IGSF3: variants seen among roughly 807,000 people sequenced by gnomAD.
IGSF3 encodes immunoglobulin superfamily member 3.
Under a neutral mutation model 114.4 loss-of-function variants are expected in IGSF3, and 23 were observed. The ratio of observed to expected loss-of-function variants is 0.20; its 90% CI spans 0.14 to 0.28. The LOEUF (loss-of-function observed/expected upper bound fraction) is 0.28. Ranked by LOEUF, IGSF3 falls within the 10% of genes least tolerant of loss-of-function variation. IGSF3 has a pLI of 1.00. For synonymous variants in IGSF3, 571 were observed against 645.2 expected, an observed-to-expected ratio of 0.88 and a Z score of 1.74; for missense variants, 1,172 against 1,591.5, an observed-to-expected ratio of 0.74 and a Z score of 4.48.
rs1660847098 is a variant in IGSF3, at chr1:116,607,834, G to A, written c.1222+108C>T. The A allele has an allele frequency of 2.7e-6, 3 of 1,102,916 alleles. No homozygotes were observed. Among genetic ancestry groups the A allele is most frequent in the African/African-American group, 3.1e-5 (2 of 64,322 alleles). 68.3% of individuals were successfully genotyped at this position (1,102,916 alleles called of 1,614,324 possible). ...TCCCCCAGCTCTGCATTAACCTCGA[G>A]GGTTCCATCTGCCTCCCCTCACCTT... On this transcript the variant is annotated intron_variant, in intron 5 of 10. Coordinates refer to ENST00000369486, the MANE Select transcript of IGSF3 (RefSeq NM_001007237.3). This position sits in a 1 kb window ranked among gnomAD's most constrained non-coding sequence, Gnocchi z 6.1.
chr1:116,657,697 G>C lies in IGSF3; in HGVS notation c.43+8587C>G, dbSNP rs554812393. 6.6e-6 allele frequency among the ~76,000 whole-genome samples: 1 copy of C among 152,294 alleles called. No individual in the cohort carries two copies. The highest frequency in any genetic ancestry group is 1.9e-4 in the East Asian group (1 of 5,178). On this transcript the variant is annotated intron_variant, in intron 2 of 10. Transcript: ENST00000369486. The surrounding 1 kb of genome is among the most constrained non-coding windows in gnomAD (Gnocchi z 4.2). ...AAGCCTGCCTCATGCCATGGCACCAGCGATGCCACAGGTGTACCCAGTGCC... is the reference window on the plus strand; with the variant it reads ...AAGCCTGCCTCATGCCATGGCACCACCGATGCCACAGGTGTACCCAGTGCC...
rs898771843 is a variant in IGSF3 at position 116,654,005 on chromosome 1, T to C, written c.43+12279A>G. Reference sequence around the variant, plus strand: ...GAAACATCAGAAGGCATTATGAAACTGTTCAGCAAATCATCTCTAAACAAT... The same window carrying C: ...GAAACATCAGAAGGCATTATGAAACCGTTCAGCAAATCATCTCTAAACAAT... On this transcript the variant is annotated intron_variant, in intron 2 of 10. Coordinates refer to ENST00000369486, the MANE Select transcript of IGSF3 (RefSeq NM_001007237.3). The surrounding 1 kb of genome is among the most constrained non-coding windows in gnomAD (Gnocchi z 4.4). 6.6e-6 allele frequency among the ~76,000 whole-genome samples: 1 copy of C among 152,252 alleles called. No individual in the cohort carries two copies. Among genetic ancestry groups the C allele is most frequent in the African/African-American group, 2.4e-5 (1 of 41,466 alleles).
At chr1:116,646,087 T>G (rs571100963) in intron 2 of IGSF3, among the ~76,000 whole-genome samples, 8 of 152,342 alleles carry the variant, frequency 5.3e-5, no homozygotes, top group Non-Finnish European at 8.8e-5. Context: ...TGAGGGGTCA[T>G]AGAAGTGCCT....
Position 116,612,990 on chromosome 1 carries a change from A to G in IGSF3, c.832+775T>C, listed in dbSNP as rs1280547401. Among the ~76,000 whole-genome samples the G allele has an allele frequency of 6.6e-6, 1 of 152,228 alleles. No individual in the cohort carries two copies. The highest frequency in any genetic ancestry group is 1.5e-5 in the Non-Finnish European group (1 of 68,036). ...GGCTGTGCCACCATCATTTTGCCTC[A>G]GCTCTAAAGACATCATGCAACCTCC... is the stretch of plus-strand genomic sequence containing the variant. On this transcript the variant is annotated intron_variant, in intron 4 of 10. Transcript: ENST00000369486. The surrounding 1 kb of genome is among the most constrained non-coding windows in gnomAD (Gnocchi z 4.1).
In IGSF3 at chr1:116,644,087, C is replaced by T. The variant is rs1343191157; in HGVS notation, c.43+22197G>A. 6.6e-6 allele frequency among the ~76,000 whole-genome samples: 1 copy of T among 152,228 alleles called. No individual in the cohort carries two copies. The highest frequency in any genetic ancestry group is 2.4e-5 in the African/African-American group (1 of 41,460). On this transcript the variant is annotated intron_variant, in intron 2 of 10. Transcript: ENST00000369486. This position sits in a 1 kb window ranked among gnomAD's most constrained non-coding sequence, Gnocchi z 5.6. ...GGTCCCACGCTGTCCATCTGGGCCCCTACACCAAAGAACACCTAATTATCA... is the reference window on the plus strand; with the variant it reads ...GGTCCCACGCTGTCCATCTGGGCCCTTACACCAAAGAACACCTAATTATCA...
intron 2 of IGSF3, among the ~76,000 whole-genome samples, chr1:116,622,890 G>A (rs1196392596): frequency 3.3e-5 from 5 of 152,206 alleles, no homozygotes; most frequent in African/African-American, 9.7e-5. Context: ...AGCACTGACT[G>A]GATCTTCTTG....
Position 116,666,445 on chromosome 1 carries a change from C to G in IGSF3, c.-119G>C. 1 of 911,338 alleles carries G rather than the reference C, an allele frequency of 1.1e-6. No individual in the cohort carries two copies. The highest frequency in any genetic ancestry group is 1.6e-5 in the African/African-American group (1 of 60,986). 56.5% of individuals were successfully genotyped at this position (911,338 alleles called of 1,614,324 possible). A position where few individuals can be genotyped will look rare whatever the true frequency, so the allele number is the denominator to read the frequency against. On this transcript the variant is annotated 5_prime_UTR_variant, in exon 2 of 11. Coordinates refer to ENST00000369486, the MANE Select transcript of IGSF3 (RefSeq NM_001007237.3). ...ACAGTTTTGGAAATAGAACTTAACT[C>G]GGAAAATGGGAACAGATTAAAAAGA... is the stretch of plus-strand genomic sequence containing the variant.
At chr1:116,643,958 C>G (rs1408104382) in intron 2 of IGSF3, among the ~76,000 whole-genome samples, 2 of 152,204 alleles carry the variant, frequency 1.3e-5, no homozygotes, top group African/African-American at 4.8e-5. Context: ...GGTCTCTGCC[C>G]TCCCCAAACA....
At position 116,607,849 on chromosome 1, in the gene IGSF3, C is replaced by A. The variant is rs1660847578; in HGVS notation, c.1222+93G>T. ...TTAACCTCGAGGGTTCCATCTGCCT[C>A]CCCTCACCTTCACCACGCTATTCTC... On this transcript the variant is annotated intron_variant, in intron 5 of 10. Coordinates refer to ENST00000369486, the MANE Select transcript of IGSF3 (RefSeq NM_001007237.3). The surrounding 1 kb of genome is among the most constrained non-coding windows in gnomAD (Gnocchi z 6.1). 1 of 1,270,552 alleles carries A rather than the reference C, an allele frequency of 7.9e-7. No homozygotes were observed. The highest frequency in any genetic ancestry group is 1.1e-6 in the Non-Finnish European group (1 of 891,588). 78.7% of individuals were successfully genotyped at this position (1,270,552 alleles called of 1,614,324 possible). A position where few individuals can be genotyped will look rare whatever the true frequency, so the allele number is the denominator to read the frequency against.
rs549537856 is a variant in IGSF3 at position 116,664,031 on chromosome 1, G to C, written c.43+2253C>G. On this transcript the variant is annotated intron_variant, in intron 2 of 10. Transcript: ENST00000369486. This position sits in a 1 kb window ranked among gnomAD's most constrained non-coding sequence, Gnocchi z 4.6. ...GAAATAAGACCCCAACATGGGTTTT[G>C]CTCCCTCCCCAAACGCCTTCTACCT... Among the ~76,000 whole-genome samples the C allele has an allele frequency of 6.6e-6, 1 of 152,292 alleles. No homozygotes were observed. Among genetic ancestry groups the C allele is most frequent in the Admixed American group, 6.5e-5 (1 of 15,302 alleles).
At chr1:116,631,245 G>A (rs921259248) in intron 2 of IGSF3, among the ~76,000 whole-genome samples, 7 of 149,816 alleles carry the variant, frequency 4.7e-5, no homozygotes, top group African/African-American at 1.7e-4. Flanking sequence ...GTGAACCCAG[G>A]AGGCGGAGCT....
intron 2 of IGSF3, among the ~76,000 whole-genome samples, chr1:116,635,925 T>G (rs544112840): frequency 6.6e-6 from 1 of 152,232 alleles, no homozygotes; most frequent in African/African-American, 2.4e-5. Context: ...TTGTGTTGTG[T>G]GAGTGCCTTA....
chr1:116,597,598 A>G (rs1240429672), intron 7 of IGSF3, among the ~76,000 whole-genome samples: 1 of 152,182 alleles, frequency 6.6e-6, no homozygotes, highest in African/African-American at 2.4e-5. Context: ...AGTGATACTC[A>G]TAAGTCTCCT....
intron 2 of IGSF3, among the ~76,000 whole-genome samples, chr1:116,623,956 G>A (rs1000376397): frequency 2.7e-5 from 4 of 150,152 alleles, no homozygotes; most frequent in Non-Finnish European, 4.4e-5. Flanking sequence ...GCATGGTGAT[G>A]TGCGCCTGTA....
intron 2 of IGSF3, among the ~76,000 whole-genome samples, chr1:116,620,346 T>C (rs1391516577): frequency 3.3e-5 from 5 of 152,184 alleles, no homozygotes; most frequent in Non-Finnish European, 5.9e-5. Flanking sequence ...CCAATCAGCA[T>C]TGGTCAGTGA....
Position 116,577,599 on chromosome 1 carries a change from C to A in IGSF3, c.3335-37G>T. The stretch of plus-strand genomic sequence containing the variant: ...CATGAGAGAGACAAGACAATGAGGG[C>A]TGAGAACCTGGACTGCTCACATTTC... On this transcript the variant is annotated intron_variant, in intron 10 of 10. Transcript: ENST00000369486. This position sits in a 1 kb window ranked among gnomAD's most constrained non-coding sequence, Gnocchi z 5.7. 2 of 1,605,970 alleles carry A rather than the reference C, an allele frequency of 1.2e-6. No individual in the cohort carries two copies. The highest frequency in any genetic ancestry group is 1.7e-6 in the Non-Finnish European group (2 of 1,176,090).
intron 2 of IGSF3, among the ~76,000 whole-genome samples, chr1:116,620,828 C>T (rs201781056): frequency 6.6e-6 from 1 of 152,184 alleles, no homozygotes; most frequent in Non-Finnish European, 1.5e-5. Flanking sequence ...GCAGCCTTGA[C>T]CTCCGAGGCT....
intron 10 of IGSF3, among the ~76,000 whole-genome samples, chr1:116,578,038 TTAA>T (rs1312037251): frequency 2.0e-5 from 3 of 152,240 alleles, no homozygotes; most frequent in Admixed American, 2.0e-4. Context: ...ACTTACCTGA[TTAA>T]TGTTATCAAT....
At position 116,592,745 on chromosome 1, in the gene IGSF3, C is replaced by T. The variant is rs148763677; in HGVS notation, c.2030-3641G>A. On this transcript the variant is annotated intron_variant, in intron 7 of 10. Coordinates refer to ENST00000369486, the MANE Select transcript of IGSF3 (RefSeq NM_001007237.3). The surrounding 1 kb of genome is among the most constrained non-coding windows in gnomAD (Gnocchi z 4.5). ...TAGCTGTGTTACTGCTGCCTTACAACGAAGGTAATTCTTAAAATCTTCTCT... is the reference window on the plus strand; with the variant it reads ...TAGCTGTGTTACTGCTGCCTTACAATGAAGGTAATTCTTAAAATCTTCTCT... Among the ~76,000 whole-genome samples the T allele has an allele frequency of 4.1e-3, 622 of 152,268 alleles. 6 individuals carry two copies. The highest frequency in any genetic ancestry group is 0.014 in the African/African-American group (577 of 41,540).
Sources: gnomAD v4.1 joint callset for allele counts (sites outside exome capture counted in the v4.1 genomes callset) on GRCh38, gnomAD v4.1.1 for gene constraint, Gnocchi (gnomAD v3.1) non-coding constraint, MANE v1.5 for transcripts, NCBI Gene and HGNC (gene_info 2026-07-23, HGNC 2026-07-21) for gene names.